The following SERPINI2 variants were observed in gnomAD, a reference collection of about 807,000 sequenced individuals.
The protein encoded by SERPINI2 is serpin I2.
Under a neutral mutation model 47.3 loss-of-function variants are expected in SERPINI2, and 48 were observed. The ratio of observed to expected loss-of-function variants is 1.02; its 90% confidence interval spans 0.81 to 1.29. The LOEUF is 1.29. SERPINI2 is among the 50% of genes most tolerant of loss of function. SERPINI2 has a pLI of 0.00. For missense variants in SERPINI2, 448 were observed against 456.9 expected (o/e 0.98, Z 0.18); for synonymous variants, 135 against 149.3 (o/e 0.90, Z 0.70).
chr3:167,450,877 T>A (rs1749622849), intron 6 of SERPINI2, among the ~76,000 whole-genome samples: 3 of 152,108 alleles, frequency 2.0e-5, no homozygotes, highest in African/African-American at 7.2e-5. Context: ...TCTCCTTTGT[T>A]CCATCTCACT....
intron 6 of SERPINI2, 141 bp downstream of exon 6, chr3:167,452,794 CA>C (rs1464175445): frequency 1.0e-5 from 5 of 481,752 alleles, no homozygotes; most frequent in Non-Finnish European, 1.8e-5. Flanking sequence ...TGTTTACAGA[CA>C]GCTCAACATG....
At position 167,458,426 on chromosome 3, in the gene SERPINI2, A is replaced by ATTT. The variant is rs34639120; in HGVS notation, c.867-5396_867-5394dup. On this transcript the variant is annotated intron_variant, in intron 5 of 8. Coordinates refer to ENST00000264677, the Ensembl canonical transcript of SERPINI2. ...CCACCACGCCTGGCTAATTGTTTGT[A>ATTT]TTTTTTTTTTTTTTTTTAGTAGAGA... is the stretch of plus-strand genomic sequence containing the variant. Among the ~76,000 whole-genome samples, 319 of 128,968 alleles carry ATTT rather than the reference A, an allele frequency of 2.5e-3. 2 individuals are homozygous for ATTT. The highest frequency in any genetic ancestry group is 7.3e-3 in the African/African-American group (253 of 34,444). The allele number at this position is 128,968 out of a possible 152,430, so 84.6% of individuals were successfully genotyped here.
intron 1 of SERPINI2, 174 bp downstream of exon 1, chr3:167,473,829 T>C (rs1750408023): frequency 1.4e-6 from 2 of 1,381,442 alleles, no homozygotes; most frequent in Admixed American, 3.2e-5. Flanking sequence ...CTGGATCTTC[T>C]GATTTGTGGT....
At chr3:167,464,376 T>C (rs1750074169) in intron 5 of SERPINI2, among the ~76,000 whole-genome samples, 1 of 151,898 alleles carries the variant, frequency 6.6e-6, no homozygotes, top group South Asian at 2.1e-4. Flanking sequence ...AGGAAAGGGA[T>C]AAAGGAGACA....
At chr3:167,466,964 T>C in intron 3 of SERPINI2, 91 bp downstream of exon 3, 1 of 797,370 alleles carries the variant, frequency 1.3e-6, no homozygotes, top group Admixed American at 2.7e-5. Context: ...CATACTGCAG[T>C]AGGAAAATAT....
intron 8 of SERPINI2, among the ~76,000 whole-genome samples, chr3:167,442,531 G>A (rs1392954092): frequency 6.6e-6 from 1 of 152,178 alleles, no homozygotes; most frequent in African/African-American, 2.4e-5. Flanking sequence ...AAACGGTGAT[G>A]AGCGTGGTAG....
At chr3:167,471,406 C>A (rs1181707409) in intron 2 of SERPINI2, among the ~76,000 whole-genome samples, 182 bp downstream of exon 2, 1 of 151,856 alleles carries the variant, frequency 6.6e-6, no homozygotes, top group Non-Finnish European at 1.5e-5. Context: ...TTTTTGTAAC[C>A]TTTTAAAGGA....
At chr3:167,460,745 A>G (rs1233588231) in intron 5 of SERPINI2, among the ~76,000 whole-genome samples, 2 of 152,160 alleles carry the variant, frequency 1.3e-5, no homozygotes, top group African/African-American at 4.8e-5. Flanking sequence ...AAAGAGAATA[A>G]ATTAGAGTGA....
At chr3:167,465,492 C>T (rs1355736903) in exon 4 of SERPINI2, 1 of 1,613,484 alleles carries the variant, frequency 6.2e-7, no homozygotes, top group Non-Finnish European at 8.5e-7. Context: ...ATTTTGTTCT[C>T]AGAAGAGCCT....
chr3:167,465,839 A>G (rs1157468080), intron 3 of SERPINI2, among the ~76,000 whole-genome samples, 166 bp from the exon 4 acceptor site: 2 of 152,160 alleles, frequency 1.3e-5, no homozygotes, highest in Non-Finnish European at 2.9e-5. Context: ...TTGCTGTTAA[A>G]TATTTCATGA....
At chr3:167,456,290 T>C in intron 5 of SERPINI2, among the ~76,000 whole-genome samples, 1 of 152,150 alleles carries the variant, frequency 6.6e-6, no homozygotes, top group East Asian at 1.9e-4. Context: ...GTATTCCCAT[T>C]TTTATCCATG....
At chr3:167,465,772 C>T in intron 3 of SERPINI2, 99 bp from the exon 4 acceptor site, 4 of 1,006,556 alleles carry the variant, frequency 4.0e-6, no homozygotes, top group East Asian at 5.1e-5. Context: ...TTTTGCAGAT[C>T]AGTTTTGGAT....
In SERPINI2 at chr3:167,446,276, T is replaced by G. The variant is rs914114279; in HGVS notation, c.1141+116A>C. 14 of 650,120 alleles carry G rather than the reference T, an allele frequency of 2.2e-5. 1 individual carries two copies. The East Asian group carries it at 2.2e-4, about 10-fold the overall frequency. 40.3% of individuals were successfully genotyped at this position (650,120 alleles called of 1,614,324 possible). The stretch of plus-strand genomic sequence containing the variant: ...ACAATTCCTGGTATATAAAATGCAC[T>G]TAACAAATATCCACTGAAAGAACAA... On this transcript the variant is annotated intron_variant, in intron 8 of 8. Transcript: ENST00000264677.
chr3:167,449,528 T>A (rs1749585546), intron 6 of SERPINI2, 126 bp from the exon 7 acceptor site: 1 of 428,614 alleles, frequency 2.3e-6, no homozygotes, highest in African/African-American at 2.1e-5. Flanking sequence ...GGAGTCTTGC[T>A]CTGTCACCCA....
chr3:167,459,078 GTTT>G (rs536122299), intron 5 of SERPINI2, among the ~76,000 whole-genome samples: 1 of 139,024 alleles, frequency 7.2e-6, no homozygotes, highest in Non-Finnish European at 1.6e-5. Flanking sequence ...GTTTTTTTTT[GTTT>G]TTTTTTTTTT....
At chr3:167,475,053 A>C (rs1308371670), upstream of SERPINI2, among the ~76,000 whole-genome samples, 2 of 151,768 alleles carry the variant, frequency 1.3e-5, no homozygotes, top group African/African-American at 4.8e-5. Flanking sequence ...TAACTTAAAA[A>C]TAGGCCTGAG....
At chr3:167,459,276 G>A (rs930066888) in intron 5 of SERPINI2, among the ~76,000 whole-genome samples, 12 of 151,712 alleles carry the variant, frequency 7.9e-5, no homozygotes, top group Admixed American at 5.3e-4. Context: ...GGGTTTCACC[G>A]TTTTAGCCGG....
At chr3:167,456,852 T>C (rs116821190) in intron 5 of SERPINI2, among the ~76,000 whole-genome samples, 1,845 of 152,296 alleles carry the variant, frequency 0.012, 27 homozygotes, top group Non-Finnish European at 0.016. Flanking sequence ...TGAGTAATAA[T>C]ACAAATAATA....
At chr3:167,473,888 A>C in intron 1 of SERPINI2, 115 bp downstream of exon 1, 1 of 1,188,788 alleles carries the variant, frequency 8.4e-7, no homozygotes. Flanking sequence ...AATAAATTCA[A>C]ATGATTTTTA....
Sources: gnomAD v4.1 joint callset for allele counts (sites outside exome capture counted in the v4.1 genomes callset) on GRCh38, gnomAD v4.1.1 for gene constraint, MANE v1.5 for transcripts, NCBI Gene and HGNC (gene_info 2026-07-23, HGNC 2026-07-21) for gene names.